IGSF21: variants seen among roughly 807,000 people sequenced by gnomAD.
IGSF21 encodes the protein immunoglobulin superfamily member 21.
IGSF21 carries 28 observed loss-of-function variants against 46.8 expected under a neutral mutation model. That is an observed-to-expected ratio of 0.60 (90% CI 0.44 to 0.82). The LOEUF (loss-of-function observed/expected upper bound fraction) is 0.82. IGSF21 is among the 40% of genes least tolerant of loss of function. The probability of loss-of-function intolerance (pLI) is 0.00; values close to 1 mark genes in which losing one functional copy is unlikely to be tolerated. For missense variants in IGSF21, 624 were observed against 665.5 expected (o/e 0.94, Z 0.69); for synonymous variants, 284 against 273.6 (o/e 1.04, Z -0.38).
intron 1 of IGSF21, among the ~76,000 whole-genome samples, chr1:18,140,967 T>C (rs2086410296): frequency 6.6e-6 from 1 of 152,220 alleles, no homozygotes; most frequent in Non-Finnish European, 1.5e-5. Flanking sequence ...CTTTGACCTG[T>C]GTCTGCACAC....
At chr1:18,212,696 G>T (rs540877418) in intron 1 of IGSF21, among the ~76,000 whole-genome samples, 7 of 152,154 alleles carry the variant, frequency 4.6e-5, no homozygotes, top group Non-Finnish European at 7.4e-5. Context: ...TGGCCCCTCT[G>T]CTCAACATGC....
At chr1:18,241,149 C>T (rs993457318) in intron 2 of IGSF21, among the ~76,000 whole-genome samples, 4 of 152,136 alleles carry the variant, frequency 2.6e-5, no homozygotes, top group Non-Finnish European at 5.9e-5. Flanking sequence ...AGGATGTGAA[C>T]GAATTTTATA....
At chr1:18,165,057 T>C (rs1474335806) in intron 1 of IGSF21, among the ~76,000 whole-genome samples, 2 of 152,020 alleles carry the variant, frequency 1.3e-5, no homozygotes, top group Non-Finnish European at 1.5e-5. Context: ...CTACGAAGGA[T>C]ATGAACTCAT....
intron 2 of IGSF21, among the ~76,000 whole-genome samples, chr1:18,253,441 T>C (rs12049245): frequency 0.35 from 53,296 of 152,134 alleles, 10,159 homozygotes; most frequent in African/African-American, 0.49. Context: ...CCATCAGCCT[T>C]GCAGAAGCTG....
chr1:18,187,247 A>T (rs1291833124), intron 1 of IGSF21, among the ~76,000 whole-genome samples: 1 of 152,124 alleles, frequency 6.6e-6, no homozygotes, highest in African/African-American at 2.4e-5. Context: ...AGAGAGAAAG[A>T]GCGAGTGAGC....
At position 18,290,180 on chromosome 1, in the gene IGSF21, C is replaced by T. The variant is rs1352493076; in HGVS notation, c.184-1686C>T. ...CAAGAGGAGAGGAGAATCCTCCTGT[C>T]CCCGTCCTCCTCATCTTCCTCCACT... On this transcript the variant is annotated intron_variant, in intron 2 of 9. Transcript: ENST00000251296. The surrounding 1 kb of genome is among the most constrained non-coding windows in gnomAD (Gnocchi z 4.2). Among the ~76,000 whole-genome samples the T allele has an allele frequency of 6.6e-6, 1 of 152,182 alleles. No homozygotes were observed. The highest frequency in any genetic ancestry group is 1.9e-4 in the East Asian group (1 of 5,192).
intron 1 of IGSF21, among the ~76,000 whole-genome samples, chr1:18,136,851 A>G (rs2086372003): frequency 6.6e-6 from 1 of 152,144 alleles, no homozygotes; most frequent in South Asian, 2.1e-4. Context: ...CTCGGGCAGT[A>G]TGGCCATTTT....
At chr1:18,372,775 T>C (rs2086239958) in intron 6 of IGSF21, among the ~76,000 whole-genome samples, 1 of 149,480 alleles carries the variant, frequency 6.7e-6, no homozygotes, top group South Asian at 2.1e-4. Context: ...TTTGGATAGA[T>C]GTTTGGAGGG....
At chr1:18,281,502 G>T (rs1452622593) in intron 2 of IGSF21, among the ~76,000 whole-genome samples, 4 of 151,372 alleles carry the variant, frequency 2.6e-5, no homozygotes, top group African/African-American at 7.3e-5. Context: ...GGAGACGGAG[G>T]TTGCAGTGAG....
At chr1:18,175,253 A>C in intron 1 of IGSF21, among the ~76,000 whole-genome samples, 1 of 152,100 alleles carries the variant, frequency 6.6e-6, no homozygotes, top group East Asian at 1.9e-4. Flanking sequence ...TCTGGGCTCT[A>C]TTTCCCCTTT....
intron 3 of IGSF21, among the ~76,000 whole-genome samples, chr1:18,309,106 C>T (rs1482179439): frequency 1.3e-5 from 2 of 152,018 alleles, no homozygotes; most frequent in Non-Finnish European, 2.9e-5. Context: ...TTGCCCCGAG[C>T]AGAGCCACTG....
intron 1 of IGSF21, among the ~76,000 whole-genome samples, chr1:18,204,722 G>C (rs1162940813): frequency 1.3e-5 from 2 of 152,180 alleles, no homozygotes; most frequent in Non-Finnish European, 2.9e-5. Flanking sequence ...GAGAGATTTA[G>C]GTTGGGCAGG....
intron 4 of IGSF21, among the ~76,000 whole-genome samples, chr1:18,336,788 G>C (rs1036382146): frequency 5.9e-5 from 9 of 152,102 alleles, no homozygotes; most frequent in African/African-American, 2.2e-4. Context: ...ACCCAAGACT[G>C]GGCAATTTGC....
intron 1 of IGSF21, among the ~76,000 whole-genome samples, chr1:18,164,830 A>C (rs1168013594): frequency 2.7e-5 from 4 of 149,610 alleles, no homozygotes; most frequent in Non-Finnish European, 5.9e-5. Flanking sequence ...GGTTTGCTGC[A>C]CCCATTAACT....
At chr1:18,354,864 TTG>T (rs2085998484) in intron 4 of IGSF21, among the ~76,000 whole-genome samples, 1 of 75,274 alleles carries the variant, frequency 1.3e-5, no homozygotes, top group Non-Finnish European at 2.8e-5. Context: ...GCTCAGCACT[TTG>T]CTATCCTTAC....
intron 2 of IGSF21, among the ~76,000 whole-genome samples, chr1:18,253,413 C>T (rs2084861192): frequency 6.6e-6 from 1 of 152,206 alleles, no homozygotes; most frequent in South Asian, 2.1e-4. Context: ...TGGGCCAGGT[C>T]CCAGGATGGG....
chr1:18,153,117 G>A (rs1442646527), intron 1 of IGSF21, among the ~76,000 whole-genome samples: 1 of 152,186 alleles, frequency 6.6e-6, no homozygotes, highest in Non-Finnish European at 1.5e-5. Flanking sequence ...CTGCCCAGCA[G>A]CAGCCACCAC....
intron 3 of IGSF21, among the ~76,000 whole-genome samples, chr1:18,312,484 C>T (rs1270837949): frequency 1.3e-5 from 2 of 152,220 alleles, no homozygotes; most frequent in African/African-American, 4.8e-5. Flanking sequence ...ATGAGTCTCA[C>T]TGGGCTAAAA....
chr1:18,262,464 C>T (rs936594104), intron 2 of IGSF21, among the ~76,000 whole-genome samples: 5 of 152,188 alleles, frequency 3.3e-5, no homozygotes, highest in Admixed American at 3.3e-4. Flanking sequence ...ATAATCTCCC[C>T]AAGCCTCAGT....
Sources: gnomAD v4.1 joint callset for allele counts (sites outside exome capture counted in the v4.1 genomes callset) on GRCh38, gnomAD v4.1.1 for gene constraint, Gnocchi (gnomAD v3.1) non-coding constraint, MANE v1.5 for transcripts, NCBI Gene and HGNC (gene_info 2026-07-23, HGNC 2026-07-21) for gene names.